The following LEMD3 variants were observed in gnomAD, a reference collection of about 807,000 sequenced individuals.
The protein encoded by LEMD3 is LEM domain containing 3.
A neutral mutation model predicts 95.2 loss-of-function variants in LEMD3; 33 were observed. The ratio of observed to expected loss-of-function variants is 0.35; its 90% CI spans 0.26 to 0.46. LEMD3 has a LOEUF of 0.46. Among genes scored for constraint, LEMD3 ranks in the 20% least tolerant of loss-of-function variants. The probability of loss-of-function intolerance (pLI) is 1.00; values close to 1 mark genes in which losing one functional copy is unlikely to be tolerated. For missense variants in LEMD3, 1,210 were observed against 1,192.8 expected (o/e 1.01, Z -0.21); for synonymous variants, 525 against 474.6 (o/e 1.11, Z -1.38).
At chr12:65,229,774 C>G (rs537711894) in intron 4 of LEMD3, among the ~76,000 whole-genome samples, 2 of 152,086 alleles carry the variant, frequency 1.3e-5, no homozygotes, top group African/African-American at 4.8e-5. Context: ...TGCAAATGTC[C>G]CCCATTCTAC....
rs1427436036 is a variant in LEMD3 at position 65,170,141 on chromosome 12, T to C, written c.545T>C (p.Val182Ala). 1 of 1,466,566 alleles carries C rather than the reference T, an allele frequency of 6.8e-7. No homozygotes were observed. Among genetic ancestry groups the C allele is most frequent in the Non-Finnish European group, 9.0e-7 (1 of 1,114,328 alleles). The allele number at this position is 1,466,566 out of a possible 1,614,324, so 90.8% of individuals were successfully genotyped here. The stretch of plus-strand genomic sequence containing the variant: ...CCGGCGCCCCTGGCCGCCAGCGAGG[T>C]GACTAACAGCAACTCTGCAGAGCGA... ...APPAPLAASEVTNSNSAERRK... is the reference protein window; with the variant it reads ...APPAPLAASEATNSNSAERRK... The change falls in exon 1 of 13, where the codon GTG becomes GCG. Residue 182 changes from valine (V) to alanine (A), a missense_variant. By Grantham distance (64) the Val-to-Ala change is moderately conservative. Transcript: ENST00000308330.
At chr12:65,238,475 G>T in intron 4 of LEMD3, 27 bp from the exon 5 acceptor site, 1 of 1,395,072 alleles carries the variant, frequency 7.2e-7, no homozygotes. Flanking sequence ...ATTAAGAATA[G>T]TTATTTTTCT....
chr12:65,189,821 C>A (rs1869182388), intron 1 of LEMD3, among the ~76,000 whole-genome samples: 1 of 152,146 alleles, frequency 6.6e-6, no homozygotes, highest in African/African-American at 2.4e-5. Context: ...AAAGGCATCT[C>A]AGATTAGACT....
At chr12:65,243,988 A>G (rs1871015532) in intron 10 of LEMD3, among the ~76,000 whole-genome samples, 1 of 152,202 alleles carries the variant, frequency 6.6e-6, no homozygotes, top group Admixed American at 6.5e-5. Context: ...GCTTCCAGAG[A>G]ATAGCACAGT....
intron 4 of LEMD3, among the ~76,000 whole-genome samples, chr12:65,220,538 G>GT (rs200010890): frequency 0.018 from 2,732 of 150,912 alleles, 34 homozygotes; most frequent in Non-Finnish European, 0.026. Flanking sequence ...TGTATTCACT[G>GT]TTTTTTTTTA....
chr12:65,220,305 G>A (rs1210320042), intron 4 of LEMD3, among the ~76,000 whole-genome samples: 1 of 152,106 alleles, frequency 6.6e-6, no homozygotes, highest in African/African-American at 2.4e-5. Context: ...ATACATCTGT[G>A]TGTATATATA....
At chr12:65,182,428 G>A (rs1004680855) in intron 1 of LEMD3, among the ~76,000 whole-genome samples, 2 of 152,216 alleles carry the variant, frequency 1.3e-5, no homozygotes, top group South Asian at 4.1e-4. Flanking sequence ...AGCTATAGTA[G>A]TTTAAGCAAC....
chr12:65,205,972 A>G lies in LEMD3; in HGVS notation c.1523-4954A>G, dbSNP rs146828960. ...ATCTATTTAATAAAGCCATGAAACA[A>G]TTAGAGAACTTTCAGAAAACAAATG... On this transcript the variant is annotated intron_variant, in intron 1 of 12. Transcript: ENST00000308330. Among the ~76,000 whole-genome samples the G allele has an allele frequency of 2.6e-4, 39 of 152,288 alleles. No individual in the cohort carries two copies. In the East Asian group the frequency reaches 7.0e-3, roughly 27 times the overall value.
intron 2 of LEMD3, among the ~76,000 whole-genome samples, chr12:65,213,265 AC>A (rs1869999844): frequency 6.6e-6 from 1 of 151,990 alleles, no homozygotes; most frequent in South Asian, 2.1e-4. Context: ...CATTTTTATC[AC>A]CCAGGCTGGA....
chr12:65,246,097 A>G lies in LEMD3; in HGVS notation c.2573-65A>G, dbSNP rs1871096165. ...TTTGTGCTCATATGTCTTTTACCAC[A>G]GTTAATTTTCTGCAAATATTAAACA... On this transcript the variant is annotated intron_variant, in intron 12 of 12. Coordinates refer to ENST00000308330, the MANE Select transcript of LEMD3 (RefSeq NM_014319.5). The G allele has an allele frequency of 2.3e-5, 31 of 1,360,124 alleles. No individual in the cohort carries two copies. The South Asian group carries it at 3.4e-4, about 15-fold the overall frequency. The allele number at this position is 1,360,124 out of a possible 1,614,324, so 84.3% of individuals were successfully genotyped here. A position where few individuals can be genotyped will look rare whatever the true frequency, so the allele number is the denominator to read the frequency against.
At chr12:65,212,330 T>C (rs1454330144) in intron 2 of LEMD3, among the ~76,000 whole-genome samples, 1 of 152,102 alleles carries the variant, frequency 6.6e-6, no homozygotes, top group Non-Finnish European at 1.5e-5. Context: ...TCACAAGTGT[T>C]AAAATTCATT....
chr12:65,171,976 C>G (rs1868565154), intron 1 of LEMD3: 1 of 152,092 alleles, frequency 6.6e-6, no homozygotes. Context: ...TAGGTGTACA[C>G]TACTTTAGAT....
intron 1 of LEMD3, among the ~76,000 whole-genome samples, chr12:65,183,054 A>G (rs1286973010): frequency 1.3e-5 from 2 of 152,146 alleles, no homozygotes; most frequent in African/African-American, 4.8e-5. Context: ...GCACATAATG[A>G]AATTTCCATC....
At chr12:65,174,841 A>T (rs1024860622) in intron 1 of LEMD3, among the ~76,000 whole-genome samples, 1 of 152,242 alleles carries the variant, frequency 6.6e-6, no homozygotes, top group Non-Finnish European at 1.5e-5. Context: ...ACATAATGGT[A>T]GTTGCTAACA....
At chr12:65,203,085 G>C (rs1159396070) in intron 1 of LEMD3, among the ~76,000 whole-genome samples, 1 of 151,918 alleles carries the variant, frequency 6.6e-6, no homozygotes, top group African/African-American at 2.4e-5. Context: ...GCTTACTTTG[G>C]ATTTAATTTA....
intron 1 of LEMD3, among the ~76,000 whole-genome samples, chr12:65,185,630 G>A (rs1207711442): frequency 6.6e-6 from 1 of 151,358 alleles, no homozygotes; most frequent in Non-Finnish European, 1.5e-5. Context: ...TGCTTTAAGA[G>A]TGGAGAATCA....
chr12:65,226,915 A>G (rs190430810), intron 4 of LEMD3, among the ~76,000 whole-genome samples: 268 of 152,356 alleles, frequency 1.8e-3, no homozygotes, highest in African/African-American at 6.1e-3. Context: ...CTCTAATAAC[A>G]TGCCACAGAA....
In LEMD3 at chr12:65,183,917, A is replaced by C. The variant is rs76759999; in HGVS notation, c.1522+12799A>C. ...ATTAAACTGCTTTCTACAATTCTTT[A>C]AACATGTAGAATGGAGAGATGGCTC... On this transcript the variant is annotated intron_variant, in intron 1 of 12. Transcript: ENST00000308330. Among the ~76,000 whole-genome samples, 1,000 of 152,270 alleles carry C rather than the reference A, an allele frequency of 6.6e-3. 6 individuals carry two copies. Among genetic ancestry groups the C allele is most frequent in the Admixed American group, 0.014 (208 of 15,284 alleles).
At chr12:65,202,607 T>G (rs915096843) in intron 1 of LEMD3, among the ~76,000 whole-genome samples, 2 of 152,176 alleles carry the variant, frequency 1.3e-5, no homozygotes, top group Non-Finnish European at 2.9e-5. Flanking sequence ...TCATATCTAC[T>G]TCTCTCTCCT....
Sources: allele counts gnomAD v4.1 joint callset (sites outside exome capture counted in the v4.1 genomes callset), GRCh38; gene constraint gnomAD v4.1.1; transcripts MANE v1.5; gene names NCBI Gene and HGNC (gene_info 2026-07-23, HGNC 2026-07-21).